METTL15: variants seen among roughly 807,000 people sequenced by gnomAD.
METTL15 encodes 12S rRNA N(4)-cytidine methyltransferase METTL15.
In METTL15, 34 loss-of-function variants were observed where a neutral mutation model predicts 38.3. The observed-to-expected ratio is 0.89, with a 90% CI of 0.68 to 1.18. The LOEUF (loss-of-function observed/expected upper bound fraction) is 1.18. Among genes scored for constraint, METTL15 ranks in the 50% most tolerant of loss-of-function variants. METTL15 has a pLI of 0.00. For synonymous variants in METTL15, 162 were observed against 170.9 expected (o/e 0.95, Z 0.41); for missense variants, 438 against 498.4 (o/e 0.88, Z 1.15).
intron 5 of METTL15, among the ~76,000 whole-genome samples, chr11:28,408,893 C>T (rs945152057): frequency 9.9e-5 from 15 of 152,034 alleles, no homozygotes; most frequent in African/African-American, 3.4e-4. Flanking sequence ...AAAAGTTTAC[C>T]ACACCCTCTT....
At chr11:28,248,405 G>A (rs901743736) in intron 4 of METTL15, among the ~76,000 whole-genome samples, 1 of 152,050 alleles carries the variant, frequency 6.6e-6, no homozygotes, top group African/African-American at 2.4e-5. Context: ...ATTCTGCCTT[G>A]CTTGTCATCC....
chr11:28,370,592 A>G (rs767739587), intron 5 of METTL15, among the ~76,000 whole-genome samples: 2 of 151,964 alleles, frequency 1.3e-5, no homozygotes, highest in Non-Finnish European at 2.9e-5. Context: ...TTGCTGTATC[A>G]TACAGTAGTT....
At chr11:28,522,525 G>A (rs555764288) in intron 6 of METTL15, among the ~76,000 whole-genome samples, 7 of 152,260 alleles carry the variant, frequency 4.6e-5, no homozygotes, top group East Asian at 3.9e-4. Context: ...TAATTTATTC[G>A]AAGTCCACCA....
intron 5 of METTL15, among the ~76,000 whole-genome samples, chr11:28,398,620 G>A (rs1850599032): frequency 6.6e-6 from 1 of 152,080 alleles, no homozygotes; most frequent in Non-Finnish European, 1.5e-5. Context: ...ACATTCTGTA[G>A]GTTGCCTATT....
intron 3 of METTL15, chr11:28,125,778 TA>T (rs1262745893): frequency 6.6e-5 from 10 of 152,100 alleles, no homozygotes; most frequent in Non-Finnish European, 1.5e-4. Flanking sequence ...CTTTTTTGGA[TA>T]AAAAATCTTC....
At chr11:28,343,928 T>C (rs1849976501) in intron 3 of METTL15, among the ~76,000 whole-genome samples, 3 of 152,180 alleles carry the variant, frequency 2.0e-5, no homozygotes, top group Non-Finnish European at 4.4e-5. Flanking sequence ...GTAAGTACTA[T>C]GACAGCCCAA....
chr11:28,296,299 A>T (rs1178477863), intron 5 of METTL15, among the ~76,000 whole-genome samples: 2 of 152,156 alleles, frequency 1.3e-5, no homozygotes, highest in African/African-American at 4.8e-5. Context: ...ACAAGTAATC[A>T]GTTATTTTAC....
At chr11:28,132,351 A>G (rs1204751916) in intron 3 of METTL15, among the ~76,000 whole-genome samples, 2 of 152,124 alleles carry the variant, frequency 1.3e-5, no homozygotes, top group African/African-American at 2.4e-5. Flanking sequence ...GGTATCTTTC[A>G]TTAAGTTACA....
At chr11:28,296,544 T>C (rs1243535600) in intron 5 of METTL15, among the ~76,000 whole-genome samples, 1 of 152,146 alleles carries the variant, frequency 6.6e-6, no homozygotes, top group African/African-American at 2.4e-5. Flanking sequence ...CCTTGATGAA[T>C]GTTATAAACC....
chr11:28,284,361 C>T (rs545709334), intron 4 of METTL15, among the ~76,000 whole-genome samples: 1 of 152,250 alleles, frequency 6.6e-6, no homozygotes, highest in Admixed American at 6.5e-5. Context: ...CAAACATCCT[C>T]TATAAGATCT....
At chr11:28,155,513 C>G (rs1003653961) in intron 3 of METTL15, among the ~76,000 whole-genome samples, 2 of 152,170 alleles carry the variant, frequency 1.3e-5, no homozygotes, top group African/African-American at 4.8e-5. Context: ...CTTCCCACCT[C>G]TGCCAGGTTT....
intron 3 of METTL15, among the ~76,000 whole-genome samples, chr11:28,201,932 T>A (rs566735381): frequency 1.3e-5 from 2 of 152,228 alleles, no homozygotes; most frequent in East Asian, 3.9e-4. Flanking sequence ...CGTTGTAAAA[T>A]TCATTTTTGA....
At position 28,191,145 on chromosome 11, in the gene METTL15, A is replaced by G. The variant is rs1041012748; in HGVS notation, c.271-19917A>G. ...TGGAACTGGCATGAATGATTTTGCA[A>G]TTTCCTGTAGAATTTCAATATTGAT... On this transcript the variant is annotated intron_variant, in intron 3 of 6. Transcript: ENST00000407364. Among the ~76,000 whole-genome samples the G allele has an allele frequency of 4.6e-5, 7 of 151,488 alleles. No homozygotes were observed. In the South Asian group the frequency reaches 1.2e-3, roughly 27 times the overall value.
chr11:28,177,938 A>C (rs1851136712), intron 3 of METTL15, among the ~76,000 whole-genome samples: 1 of 152,030 alleles, frequency 6.6e-6, no homozygotes. Flanking sequence ...TGAAGACATA[A>C]GCATAATCGA....
intron 5 of METTL15, among the ~76,000 whole-genome samples, chr11:28,371,918 AC>A (rs1258707812): frequency 1.7e-4 from 26 of 152,044 alleles, no homozygotes; most frequent in Non-Finnish European, 1.8e-4. Flanking sequence ...TAAGTATAAA[AC>A]TATGTTATTT....
intron 6 of METTL15, among the ~76,000 whole-genome samples, chr11:28,457,739 A>G (rs912044724): frequency 6.6e-6 from 1 of 152,212 alleles, no homozygotes; most frequent in Non-Finnish European, 1.5e-5. Flanking sequence ...TGTAAGGAGG[A>G]GATCACTTAT....
At chr11:28,339,130 C>T (rs1376596809) in intron 3 of METTL15, among the ~76,000 whole-genome samples, 1 of 152,050 alleles carries the variant, frequency 6.6e-6, no homozygotes, top group Admixed American at 6.6e-5. Flanking sequence ...ATCCTAGACA[C>T]TAGAGTCCCT....
chr11:28,111,219 G>C (rs576799727), intron 2 of METTL15, among the ~76,000 whole-genome samples: 1 of 152,268 alleles, frequency 6.6e-6, no homozygotes, highest in Non-Finnish European at 1.5e-5. Context: ...TAAACACATA[G>C]AGACTGAATG....
intron 5 of METTL15, among the ~76,000 whole-genome samples, chr11:28,362,689 G>A (rs75710763): frequency 0.011 from 1,721 of 152,230 alleles, 40 homozygotes; most frequent in African/African-American, 0.039. Flanking sequence ...ATTGCACAAG[G>A]GGCATGATTT....
Sources: gnomAD v4.1 joint callset for allele counts (sites outside exome capture counted in the v4.1 genomes callset) on GRCh38, gnomAD v4.1.1 for gene constraint, MANE v1.5 for transcripts, NCBI Gene and HGNC (gene_info 2026-07-23, HGNC 2026-07-21) for gene names.